PHC2: variants seen among roughly 807,000 people sequenced by gnomAD.
PHC2 encodes the protein polyhomeotic homolog 2, also known as polyhomeotic-like protein 2.
A neutral mutation model predicts 87.4 loss-of-function variants in PHC2; 29 were observed. The ratio of observed to expected loss-of-function variants is 0.33; its 90% CI spans 0.25 to 0.45. PHC2 has a LOEUF of 0.45. Among genes scored for constraint, PHC2 ranks in the 20% least tolerant of loss-of-function variants. The pLI is 1.00. For synonymous variants in PHC2, 438 were observed against 461.7 expected (o/e 0.95, Z 0.66); for missense variants, 857 against 1,136.7 (o/e 0.75, Z 3.54).
At chr1:33,327,098 CT>C (rs1482123630) in intron 14 of PHC2, among the ~76,000 whole-genome samples, 1 of 152,182 alleles carries the variant, frequency 6.6e-6, no homozygotes, top group African/African-American at 2.4e-5. Flanking sequence ...CACTCCCAGG[CT>C]TTGAGTCCCA....
chr1:33,354,514 CTT>C lies in PHC2; in HGVS notation c.1443_1444del (p.Ser482CysfsTer3). ...TGGGCCAGACCGCGTCTCAGGCACACTTTTCTCCCCTGGTGCCACTTCTTTCC... is the reference window on the plus strand; with the variant it reads ...TGGGCCAGACCGCGTCTCAGGCACACTTCTCCCCTGGTGCCACTTCTTTCC... On this transcript the variant is annotated frameshift_variant, in exon 9 of 15. Coordinates refer to ENST00000683057, the MANE Select transcript of PHC2 (RefSeq NM_001385109.1). LOFTEE classifies it high-confidence loss of function. 1 of 1,614,174 alleles carries C rather than the reference CTT, an allele frequency of 6.2e-7. No individual in the cohort carries two copies. The highest frequency in any genetic ancestry group is 1.1e-5 in the South Asian group (1 of 91,088).
At chr1:33,351,555 ATCGTT>A (rs1182341162) in intron 9 of PHC2, among the ~76,000 whole-genome samples, 2 of 152,044 alleles carry the variant, frequency 1.3e-5, no homozygotes, top group Non-Finnish European at 2.9e-5. Context: ...TGCATTTTTC[ATCGTT>A]TCAAGTAGAC....
chr1:33,334,372 A>C lies in PHC2; in HGVS notation c.1559-80T>G, dbSNP rs1646577096. 7.6e-7 allele frequency: 1 copy of C among 1,308,174 alleles called. No homozygotes were observed. The highest frequency in any genetic ancestry group is 2.5e-4 in the Middle Eastern group (1 of 3,958). 81.0% of individuals were successfully genotyped at this position (1,308,174 alleles called of 1,614,324 possible). A position where few individuals can be genotyped will look rare whatever the true frequency, so the allele number is the denominator to read the frequency against. On this transcript the variant is annotated intron_variant, in intron 9 of 14. Transcript: ENST00000683057. The surrounding 1 kb of genome is among the most constrained non-coding windows in gnomAD (Gnocchi z 5.5). ...GCCCAGGGAGGGACAGCAAGGACTCAAACTGCGCCCGGCTTTTACCGTGGG... is the reference window on the plus strand; with the variant it reads ...GCCCAGGGAGGGACAGCAAGGACTCCAACTGCGCCCGGCTTTTACCGTGGG...
chr1:33,370,504 C>A lies in PHC2; in HGVS notation c.493G>T (p.Ala165Ser). The A allele has an allele frequency of 1.9e-6, 3 of 1,614,084 alleles. No individual in the cohort carries two copies. Among genetic ancestry groups the A allele is most frequent in the Non-Finnish European group, 1.7e-6 (2 of 1,179,968 alleles). ...SVNSAAASGI[A>S]QQAVLLGNTS... ...TTGCCCAAGAGCACAGCCTGCTGAG[C>A]GATGCCTGAGGCTGCTGCAGAGTTC... Residue 165 changes from alanine (A) to serine (S), a missense_variant, in exon 5 of 15, where the codon GCT becomes TCT. This residue lies in a region of PHC2 where 832 missense variants were observed against 1,081.8 expected (regional missense o/e 0.77). Transcript: ENST00000683057.
At chr1:33,388,492 T>C (rs1432607805) in intron 1 of PHC2, among the ~76,000 whole-genome samples, 1 of 151,856 alleles carries the variant, frequency 6.6e-6, no homozygotes, top group Non-Finnish European at 1.5e-5. Context: ...CCCAGCTAAT[T>C]TTTTGTATTT....
intron 3 of PHC2, among the ~76,000 whole-genome samples, chr1:33,371,507 C>G (rs1172436659): frequency 6.6e-6 from 1 of 152,200 alleles, no homozygotes; most frequent in Non-Finnish European, 1.5e-5. Flanking sequence ...CACCCGGCCA[C>G]CGCCATCACA....
At chr1:33,345,305 T>A (rs1646826183) in intron 9 of PHC2, 1 of 152,898 alleles carries the variant, frequency 6.5e-6, no homozygotes, top group Non-Finnish European at 1.5e-5. Context: ...TTTAAAGTCA[T>A]AATAGCAAAC....
chr1:33,351,182 T>C (rs1036446703), intron 9 of PHC2, among the ~76,000 whole-genome samples: 4 of 152,214 alleles, frequency 2.6e-5, no homozygotes, highest in Non-Finnish European at 5.9e-5. Flanking sequence ...ACAGACAATA[T>C]GTACGTGAAG....
Position 33,365,655 on chromosome 1 carries a change from A to G in PHC2, c.976+1461T>C, listed in dbSNP as rs142606440. The stretch of plus-strand genomic sequence containing the variant: ...CACTTTCTGGAGAAAGCCATGCCAG[A>G]CAGTGAGAAACATCTGAAGCCACAG... On this transcript the variant is annotated intron_variant, in intron 7 of 14. Coordinates refer to ENST00000683057, the MANE Select transcript of PHC2 (RefSeq NM_001385109.1). Among the ~76,000 whole-genome samples the G allele has an allele frequency of 5.0e-3, 755 of 152,352 alleles. 3 individuals are homozygous for G. The highest frequency in any genetic ancestry group is 0.017 in the African/African-American group (723 of 41,586).
intron 1 of PHC2, among the ~76,000 whole-genome samples, chr1:33,404,584 C>A (rs1247823174): frequency 1.3e-5 from 2 of 152,020 alleles, no homozygotes; most frequent in Non-Finnish European, 2.9e-5. Flanking sequence ...TTCTTTATTT[C>A]TTGTTTCTAC....
At position 33,417,672 on chromosome 1, in the gene PHC2, C is replaced by A. The variant is rs117940632; in HGVS notation, c.-55+13304G>T. Among the ~76,000 whole-genome samples the A allele has an allele frequency of 4.5e-4, 68 of 152,138 alleles. 1 individual carries two copies. In the East Asian group the frequency reaches 0.013, roughly 29 times the overall value. On this transcript the variant is annotated intron_variant, in intron 1 of 14. Coordinates refer to ENST00000683057, the MANE Select transcript of PHC2 (RefSeq NM_001385109.1). ...TAAAAGGAGGAAAACACAAGTTTAC[C>A]ATTATAGTTGGAGACTTCAATACTC...
intron 7 of PHC2, 77 bp from the exon 8 acceptor site, chr1:33,355,330 G>A (rs1437208969): frequency 1.9e-5 from 25 of 1,326,362 alleles, no homozygotes; most frequent in Middle Eastern, 2.7e-4. Flanking sequence ...TGCCCCTCCC[G>A]CATCCAAATA....
rs567640639 is a variant in PHC2, at chr1:33,332,146, G to A, written c.1891+129C>T. ...TTTTTGAGGGAAGGAGGCTGAGGAG[G>A]TGCTGGGGGAAATGTTTACAGACTC... On this transcript the variant is annotated intron_variant, in intron 11 of 14. Transcript: ENST00000683057. This position sits in a 1 kb window ranked among gnomAD's most constrained non-coding sequence, Gnocchi z 4.2. 1 of 996,840 alleles carries A rather than the reference G, an allele frequency of 1.0e-6. No individual in the cohort carries two copies. Among genetic ancestry groups the A allele is most frequent in the African/African-American group, 1.6e-5 (1 of 62,322 alleles). The allele number at this position is 996,840 out of a possible 1,614,324, so 61.7% of individuals were successfully genotyped here.
intron 1 of PHC2, among the ~76,000 whole-genome samples, chr1:33,416,931 C>T (rs1650234486): frequency 6.6e-6 from 1 of 151,954 alleles, no homozygotes. Context: ...AGATAATTGA[C>T]TACTTAAAGT....
chr1:33,361,933 C>T (rs1405138690), intron 7 of PHC2, among the ~76,000 whole-genome samples: 3 of 152,296 alleles, frequency 2.0e-5, no homozygotes, highest in South Asian at 2.1e-4. Flanking sequence ...CTCTGTTTTA[C>T]GGATGAGGAA....
Position 33,364,366 on chromosome 1 carries a change from ACACACACACACACACACTTGCTTT to A in PHC2, c.976+2726_976+2749del, listed in dbSNP as rs924528978. Among the ~76,000 whole-genome samples the A allele has an allele frequency of 1.0e-4, 15 of 144,464 alleles. No homozygotes were observed. The highest frequency in any genetic ancestry group is 3.0e-4 in the African/African-American group (11 of 37,222). The allele number at this position is 144,464 out of a possible 152,430, so 94.8% of individuals were successfully genotyped here. A position where few individuals can be genotyped will look rare whatever the true frequency, so the allele number is the denominator to read the frequency against. The stretch of plus-strand genomic sequence containing the variant: ...CTTGCTTTCTCTCTCCCAGACACAC[ACACACACACACACACACTTGCTTT>A]CACACACACACACACACACACACAC... On this transcript the variant is annotated intron_variant, in intron 7 of 14. Coordinates refer to ENST00000683057, the MANE Select transcript of PHC2 (RefSeq NM_001385109.1). This position sits in a 1 kb window ranked among gnomAD's most constrained non-coding sequence, Gnocchi z 4.1.
chr1:33,371,677 T>C (rs1302264581), intron 3 of PHC2, among the ~76,000 whole-genome samples: 1 of 152,244 alleles, frequency 6.6e-6, no homozygotes, highest in African/African-American at 2.4e-5. Context: ...GACCATGCAA[T>C]GCAAGGCCGT....
chr1:33,370,893 G>A (rs963536276), intron 4 of PHC2, 124 bp downstream of exon 4: 15 of 827,266 alleles, frequency 1.8e-5, no homozygotes, highest in Non-Finnish European at 3.1e-5. Flanking sequence ...TTTCTTCCCG[G>A]TAAGGGCAAT....
intron 7 of PHC2, 26 bp from the exon 8 acceptor site, chr1:33,355,279 G>A: frequency 2.0e-6 from 3 of 1,528,266 alleles, no homozygotes; most frequent in Non-Finnish European, 1.8e-6. Flanking sequence ...CCAGGTTAGA[G>A]AGCATGGCTT....
Sources: allele counts gnomAD v4.1 joint callset (sites outside exome capture counted in the v4.1 genomes callset), GRCh38; gene constraint gnomAD v4.1.1; regional missense constraint gnomAD v4.1.1; non-coding constraint Gnocchi (gnomAD v3.1); transcripts MANE v1.5; gene names NCBI Gene and HGNC (gene_info 2026-07-23, HGNC 2026-07-21).